TDRD12: variants seen among roughly 807,000 people sequenced by gnomAD.
TDRD12 encodes the protein tudor domain containing 12.
TDRD12 carries 158 observed loss-of-function variants against 133.5 expected under a neutral mutation model. That is an observed-to-expected ratio of 1.18 (90% CI 1.04 to 1.35). The LOEUF is 1.35. Among genes scored for constraint, TDRD12 ranks in the 40% most tolerant of loss-of-function variants. The probability of loss-of-function intolerance (pLI) is 0.00; values close to 1 mark genes in which losing one functional copy is unlikely to be tolerated. For synonymous variants in TDRD12, 460 were observed against 477.9 expected (o/e 0.96, Z 0.49); for missense variants, 1,443 against 1,321.3 (o/e 1.09, Z -1.43).
intron 1 of TDRD12, among the ~76,000 whole-genome samples, chr19:32,727,656 T>C (rs1568443847): frequency 1.3e-5 from 2 of 152,256 alleles, no homozygotes; most frequent in South Asian, 4.2e-4. Context: ...ATTTATTCTT[T>C]CATTTTTATT....
chr19:32,811,355 C>CA lies in TDRD12; in HGVS notation c.2984dup (p.Ala996GlyfsTer8). On this transcript the variant is annotated frameshift_variant, in exon 24 of 28. Transcript: ENST00000444215. LOFTEE classifies it high-confidence loss of function. ...AGAACATTTCCACACACTTCCCCCGCAGGCTGTGGAGTTTATTGTCTGTAG... is the reference window on the plus strand; with the variant it reads ...AGAACATTTCCACACACTTCCCCCGCAAGGCTGTGGAGTTTATTGTCTGTAG... 6.5e-7 allele frequency: 1 copy of CA among 1,536,122 alleles called. No individual in the cohort carries two copies.
At chr19:32,729,366 T>C (rs1311315020) in intron 1 of TDRD12, among the ~76,000 whole-genome samples, 1 of 151,320 alleles carries the variant, frequency 6.6e-6, no homozygotes, top group Non-Finnish European at 1.5e-5. Context: ...TACGGGTATC[T>C]GCCACCACGC....
rs746923044 is a variant in TDRD12, at chr19:32,757,131, G to A, written c.865+1G>A. ...CTCAGGCCAACAGCCACAGCACAGG[G>A]TGAGTTCTGCTAATGTGGTTTATTT... On this transcript the variant is annotated splice_donor_variant, in intron 8 of 27. Coordinates refer to ENST00000444215, the Ensembl canonical transcript of TDRD12. LOFTEE classifies it high-confidence loss of function. 1.0e-5 allele frequency: 16 copies of A among 1,550,264 alleles called. No homozygotes were observed. The highest frequency in any genetic ancestry group is 1.4e-5 in the African/African-American group (1 of 72,988).
At chr19:32,817,374 C>T (rs1398856291) in intron 26 of TDRD12, among the ~76,000 whole-genome samples, 1 of 151,988 alleles carries the variant, frequency 6.6e-6, no homozygotes, top group Non-Finnish European at 1.5e-5. Context: ...CCACTGTTTA[C>T]CCTTTTGTGC....
At chr19:32,773,170 C>T (rs1193953393) in intron 9 of TDRD12, among the ~76,000 whole-genome samples, 1 of 152,206 alleles carries the variant, frequency 6.6e-6, no homozygotes, top group Admixed American at 6.5e-5. Context: ...GTCTAATCTG[C>T]TCTCCGTCCC....
intron 8 of TDRD12, among the ~76,000 whole-genome samples, chr19:32,757,400 G>A (rs1304844345): frequency 6.6e-6 from 1 of 152,146 alleles, no homozygotes; most frequent in Admixed American, 6.5e-5. Context: ...AGTAATCACT[G>A]TCTGTCCCTA....
intron 19 of TDRD12, among the ~76,000 whole-genome samples, chr19:32,802,205 GATC>G (rs202160633): frequency 2.3e-5 from 3 of 132,758 alleles, no homozygotes; most frequent in African/African-American, 9.0e-5. Flanking sequence ...ATATGATAGT[GATC>G]ATATATATGA....
At chr19:32,720,148 C>CA (rs1446451079) in intron 1 of TDRD12, 52 bp downstream of exon 1, 4 of 1,523,952 alleles carry the variant, frequency 2.6e-6, no homozygotes, top group Non-Finnish European at 3.5e-6. Context: ...CCCCCACCCC[C>CA]ACCCCAGCCG....
At chr19:32,724,435 T>A (rs969538707) in intron 1 of TDRD12, among the ~76,000 whole-genome samples, 1 of 152,182 alleles carries the variant, frequency 6.6e-6, no homozygotes, top group African/African-American at 2.4e-5. Context: ...CCATGTGTTC[T>A]CATTGTTCAG....
At chr19:32,785,503 C>G (rs1970881806) in intron 11 of TDRD12, among the ~76,000 whole-genome samples, 1 of 152,054 alleles carries the variant, frequency 6.6e-6, no homozygotes, top group Non-Finnish European at 1.5e-5. Flanking sequence ...GAGTTCAAGT[C>G]CCGGATATCC....
intron 8 of TDRD12, 33 bp downstream of exon 8, chr19:32,757,163 C>T: frequency 6.8e-7 from 1 of 1,474,138 alleles, no homozygotes; most frequent in Non-Finnish European, 9.2e-7. Flanking sequence ...ATTTCATAGG[C>T]AGCATGAAAA....
At chr19:32,771,376 T>C (rs1052195482) in intron 8 of TDRD12, among the ~76,000 whole-genome samples, 1 of 152,162 alleles carries the variant, frequency 6.6e-6, no homozygotes, top group Non-Finnish European at 1.5e-5. Flanking sequence ...AGCAGGCTGG[T>C]CTTGAACTCC....
chr19:32,809,543 G>A (rs1966925514), intron 22 of TDRD12, among the ~76,000 whole-genome samples: 1 of 152,116 alleles, frequency 6.6e-6, no homozygotes, highest in Non-Finnish European at 1.5e-5. Flanking sequence ...TCTGCCCTCT[G>A]CACACTGACT....
At chr19:32,765,751 C>A (rs1217938773) in intron 8 of TDRD12, among the ~76,000 whole-genome samples, 4 of 88,788 alleles carry the variant, frequency 4.5e-5, no homozygotes, top group Non-Finnish European at 4.5e-5. Flanking sequence ...GGGTGGGGGT[C>A]GGGGGGAGGG....
At position 32,733,914 on chromosome 19, in the gene TDRD12, C is replaced by T. The variant is rs190242998; in HGVS notation, c.183+2031C>T. Among the ~76,000 whole-genome samples, 248 of 141,902 alleles carry T rather than the reference C, an allele frequency of 1.7e-3. 2 individuals are homozygous for T. The highest frequency in any genetic ancestry group is 7.2e-3 in the Admixed American group (101 of 13,946). The allele number at this position is 141,902 out of a possible 152,430, so 93.1% of individuals were successfully genotyped here. On this transcript the variant is annotated intron_variant, in intron 2 of 27. Transcript: ENST00000444215. ...TAATTAATTTTTTTTTTTTTTGAGACAGAGTCTTGTTCTGTTGCCCAGGCT... is the reference window on the plus strand; with the variant it reads ...TAATTAATTTTTTTTTTTTTTGAGATAGAGTCTTGTTCTGTTGCCCAGGCT...
rs1346891582 is a variant in TDRD12 at position 32,771,106 on chromosome 19, G to A, written c.866-1647G>A. 2.0e-5 allele frequency among the ~76,000 whole-genome samples: 3 copies of A among 152,206 alleles called. No homozygotes were observed. The East Asian group carries it at 5.8e-4, about 29-fold the overall frequency. On this transcript the variant is annotated intron_variant, in intron 8 of 27. Transcript: ENST00000444215. Reference sequence around the variant, plus strand: ...GAAGCTTCCAATCATGGCAGAAGGGGAACAGGAGCTGCATGTCACCTGTCA... The same window carrying A: ...GAAGCTTCCAATCATGGCAGAAGGGAAACAGGAGCTGCATGTCACCTGTCA...
intron 4 of TDRD12, among the ~76,000 whole-genome samples, chr19:32,745,379 GT>G (rs1568454795): frequency 6.6e-6 from 1 of 152,196 alleles, no homozygotes; most frequent in African/African-American, 2.4e-5. Context: ...TTGTGTTTGT[GT>G]TTTATGCAGA....
chr19:32,788,153 C>T (rs959909815), intron 11 of TDRD12, among the ~76,000 whole-genome samples: 3 of 150,630 alleles, frequency 2.0e-5, no homozygotes, highest in East Asian at 1.9e-4. Flanking sequence ...AATGGAGTCT[C>T]GCTCTTTTGC....
chr19:32,758,847 AT>A (rs1970070454), intron 8 of TDRD12, among the ~76,000 whole-genome samples: 1 of 150,184 alleles, frequency 6.7e-6, no homozygotes, highest in Non-Finnish European at 1.5e-5. Context: ...AGGCAGGAGA[AT>A]TGCTTGAACT....
Sources: gnomAD v4.1 joint callset for allele counts (sites outside exome capture counted in the v4.1 genomes callset) on GRCh38, gnomAD v4.1.1 for gene constraint, MANE v1.5 for transcripts, NCBI Gene and HGNC (gene_info 2026-07-23, HGNC 2026-07-21) for gene names.